The following CREBBP variants were observed in gnomAD, a reference collection of about 807,000 sequenced individuals.
The protein encoded by CREBBP is CREB-binding protein.
CREBBP carries 19 observed loss-of-function variants against 265.0 expected under a neutral mutation model. The ratio of observed to expected loss-of-function variants is 0.07; its 90% CI spans 0.05 to 0.11. The LOEUF is 0.11. Ranked by LOEUF, CREBBP falls within the 10% of genes least tolerant of loss-of-function variation. The pLI, the probability that CREBBP is intolerant of heterozygous loss-of-function variation, is 1.00. For synonymous variants in CREBBP, 1,457 were observed against 1,223.7 expected (o/e 1.19, Z -3.98); for missense variants, 2,525 against 3,219.0 (o/e 0.78, Z 5.22).
At chr16:3,865,989 G>T (rs1186785801) in intron 1 of CREBBP, among the ~76,000 whole-genome samples, 1 of 152,146 alleles carries the variant, frequency 6.6e-6, no homozygotes, top group African/African-American at 2.4e-5. Flanking sequence ...TGGCCCAGGT[G>T]ATTAACTTCA....
rs1028715420 is a variant in CREBBP at position 3,726,264 on chromosome 16, G to A, written c.*1454C>T. 5 of 233,060 alleles carry A rather than the reference G, an allele frequency of 2.1e-5. No homozygotes were observed. In the South Asian group the frequency reaches 5.4e-4, roughly 25 times the overall value. 14.4% of individuals were successfully genotyped at this position (233,060 alleles called of 1,614,324 possible). ...CGGGGGGGGGGAGCCGCCTGAACAC[G>A]GGAAGAAGCGCCGCCTCTGGGGGTG... is the stretch of plus-strand genomic sequence containing the variant. On this transcript the variant is annotated 3_prime_UTR_variant, in exon 31 of 31. Transcript: ENST00000262367.
At chr16:3,846,443 T>C (rs1013277012) in intron 2 of CREBBP, among the ~76,000 whole-genome samples, 1 of 152,224 alleles carries the variant, frequency 6.6e-6, no homozygotes, top group Non-Finnish European at 1.5e-5. Flanking sequence ...AATTCAGAAA[T>C]TGCATGTCCA....
At chr16:3,768,270 C>T (rs549633954) in intron 15 of CREBBP, among the ~76,000 whole-genome samples, 9 of 149,586 alleles carry the variant, frequency 6.0e-5, no homozygotes, top group African/African-American at 7.4e-5. Context: ...CTCAGCCTCC[C>T]GAGTAGCTGG....
intron 2 of CREBBP, among the ~76,000 whole-genome samples, chr16:3,812,053 G>A (rs1045055610): frequency 4.6e-5 from 7 of 152,044 alleles, no homozygotes; most frequent in Admixed American, 1.3e-4. Flanking sequence ...GGCAGGAGGA[G>A]GTGGCAGGAA....
intron 1 of CREBBP, among the ~76,000 whole-genome samples, chr16:3,852,550 TTGAA>T (rs941153365): frequency 5.9e-5 from 9 of 152,276 alleles, no homozygotes; most frequent in African/African-American, 2.2e-4. Context: ...CTTAAAAGTG[TTGAA>T]GCTGCAGCAA....
intron 23 of CREBBP, chr16:3,742,863 G>C (rs1221971935): frequency 6.6e-6 from 1 of 152,154 alleles, no homozygotes; most frequent in African/African-American, 2.4e-5. Context: ...ATGCCCACGG[G>C]TCTTTCTGGA....
intron 2 of CREBBP, among the ~76,000 whole-genome samples, chr16:3,849,628 C>T (rs2054784262): frequency 6.6e-6 from 1 of 150,540 alleles, no homozygotes; most frequent in South Asian, 2.1e-4. Flanking sequence ...ACCTTGGCCT[C>T]CCAAAGTGCT....
At chr16:3,865,048 G>C (rs1296688200) in intron 1 of CREBBP, among the ~76,000 whole-genome samples, 1 of 151,974 alleles carries the variant, frequency 6.6e-6, no homozygotes, top group Non-Finnish European at 1.5e-5. Context: ...GACAAAGCAA[G>C]ACTCTGTCTC....
chr16:3,786,412 G>C (rs966005628), intron 5 of CREBBP, among the ~76,000 whole-genome samples: 1 of 152,128 alleles, frequency 6.6e-6, no homozygotes, highest in Non-Finnish European at 1.5e-5. Flanking sequence ...TTTCTGTACA[G>C]TCTATGTTGC....
chr16:3,743,186 C>T (rs763192746), intron 23 of CREBBP: 4 of 152,260 alleles, frequency 2.6e-5, no homozygotes, highest in Non-Finnish European at 4.4e-5. Context: ...GTGTTACTGG[C>T]ACTGAGTGGG....
intron 1 of CREBBP, among the ~76,000 whole-genome samples, chr16:3,868,552 A>G (rs1597082941): frequency 6.6e-6 from 1 of 152,256 alleles, no homozygotes; most frequent in South Asian, 2.1e-4. Context: ...CTAAAAAAAA[A>G]TAATAACCTG....
chr16:3,865,316 T>C (rs999020055), intron 1 of CREBBP, among the ~76,000 whole-genome samples: 3 of 152,208 alleles, frequency 2.0e-5, no homozygotes, highest in African/African-American at 7.2e-5. Context: ...GGAAATAACC[T>C]AAATGTCCAC....
chr16:3,821,245 A>C (rs1320045087), intron 2 of CREBBP, among the ~76,000 whole-genome samples: 1 of 152,302 alleles, frequency 6.6e-6, no homozygotes, highest in East Asian at 1.9e-4. Context: ...GATTCACATA[A>C]AGGCTACACT....
At chr16:3,781,905 G>C (rs978164774) in intron 6 of CREBBP, among the ~76,000 whole-genome samples, 1 of 152,110 alleles carries the variant, frequency 6.6e-6, no homozygotes, top group African/African-American at 2.4e-5. Context: ...CATTCATTAG[G>C]GCAGTTGTTT....
At chr16:3,738,085 CT>C (rs1337640523) in intron 26 of CREBBP, among the ~76,000 whole-genome samples, 2 of 151,062 alleles carry the variant, frequency 1.3e-5, no homozygotes, top group Admixed American at 6.6e-5. Context: ...CGCGCCCGGC[CT>C]TTTTTTTAAT....
chr16:3,738,405 C>A (rs1159813572), intron 26 of CREBBP, among the ~76,000 whole-genome samples, 154 bp downstream of exon 26: 1 of 147,044 alleles, frequency 6.8e-6, no homozygotes, highest in Non-Finnish European at 1.5e-5. Context: ...GCTCGGGGAG[C>A]ACCTGGAAAG....
At chr16:3,874,302 G>A (rs559869623) in intron 1 of CREBBP, among the ~76,000 whole-genome samples, 17 of 152,156 alleles carry the variant, frequency 1.1e-4, no homozygotes, top group Non-Finnish European at 1.9e-4. Flanking sequence ...GGGCTCTCCC[G>A]GGCTCCACAT....
intron 1 of CREBBP, among the ~76,000 whole-genome samples, chr16:3,877,039 G>A (rs2055417504): frequency 6.6e-6 from 1 of 152,156 alleles, no homozygotes; most frequent in African/African-American, 2.4e-5. Flanking sequence ...AGTCTCTACA[G>A]ACATGCACTG....
intron 16 of CREBBP, chr16:3,767,340 C>CT: frequency 4.1e-6 from 1 of 245,090 alleles, no homozygotes. Flanking sequence ...TAAATTATGG[C>CT]TTTTTTGGTT....
Sources: allele counts gnomAD v4.1 joint callset (sites outside exome capture counted in the v4.1 genomes callset), GRCh38; gene constraint gnomAD v4.1.1; transcripts MANE v1.5; gene names NCBI Gene and HGNC (gene_info 2026-07-23, HGNC 2026-07-21).